Variants in HCRTR1 observed in about 807,000 individuals in gnomAD.
The protein encoded by HCRTR1 is orexin/Hypocretin receptor type 1.
Under a neutral mutation model 40.6 loss-of-function variants are expected in HCRTR1, and 28 were observed. The ratio of observed to expected loss-of-function variants is 0.69; its 90% CI spans 0.51 to 0.95. The LOEUF (loss-of-function observed/expected upper bound fraction) is 0.95. Among genes scored for constraint, HCRTR1 ranks in the 40% least tolerant of loss-of-function variants. The pLI is 0.00. For missense variants in HCRTR1, 482 were observed against 564.7 expected, an observed-to-expected ratio of 0.85 and a Z score of 1.48; for synonymous variants, 209 against 230.0, an observed-to-expected ratio of 0.91 and a Z score of 0.83.
At chr1:31,632,583 C>T (rs552971295), downstream of HCRTR1, 5 of 1,614,190 alleles carry the variant, frequency 3.1e-6, no homozygotes, top group African/African-American at 2.7e-5. Context: ...TGAATTTCCA[C>T]AGGGCTGAGA....
intron 7 of HCRTR1, 115 bp from the exon 8 acceptor site, chr1:31,624,882 A>C: frequency 2.6e-6 from 3 of 1,147,656 alleles, no homozygotes; most frequent in Non-Finnish European, 3.5e-6. Context: ...AAACGTGGAC[A>C]GAAGTGGGCA....
chr1:31,628,736 G>A (rs1373812951), downstream of HCRTR1, among the ~76,000 whole-genome samples: 2 of 152,234 alleles, frequency 1.3e-5, no homozygotes, highest in Non-Finnish European at 2.9e-5. Flanking sequence ...TCCACTCTGG[G>A]GGACTCAGAT....
At position 31,621,489 on chromosome 1, in the gene HCRTR1, C is replaced by T. The variant is rs201964385; in HGVS notation, c.635C>T (p.Pro212Leu). Residue 212 changes from proline to leucine, a missense_variant, in exon 6 of 9, where the codon CCC (proline) becomes CTC (leucine). By Grantham distance (98) the Pro-to-Leu change is moderately conservative (BLOSUM62 -3). Transcript: ENST00000403528. ...TTGACCCCTGCAGATGACCTCTATC[C>T]CAAGATCTACCACAGTTGCTTCTTT... Reference protein sequence around the residue: ...CDERWADDLYPKIYHSCFFIV... With the variant: ...CDERWADDLYLKIYHSCFFIV... 6.2e-7 allele frequency: 1 copy of T among 1,613,256 alleles called. No individual in the cohort carries two copies. Among genetic ancestry groups the T allele is most frequent in the South Asian group, 1.1e-5 (1 of 91,066 alleles).
At chr1:31,620,364 G>A (rs942591680) in intron 4 of HCRTR1, among the ~76,000 whole-genome samples, 3 of 152,306 alleles carry the variant, frequency 2.0e-5, no homozygotes, top group African/African-American at 7.2e-5. Context: ...AATGCCTCTT[G>A]GATTTCCCAC....
At chr1:31,632,772 A>G, downstream of HCRTR1, 2 of 1,054,326 alleles carry the variant, frequency 1.9e-6, no homozygotes, top group Non-Finnish European at 2.7e-6. Flanking sequence ...CCTGAGGCCC[A>G]GATGCCTGCA....
At chr1:31,631,759 G>C (rs1414622029), downstream of HCRTR1, among the ~76,000 whole-genome samples, 4 of 152,196 alleles carry the variant, frequency 2.6e-5, no homozygotes, top group Admixed American at 2.6e-4. Context: ...AAGAGTAGGT[G>C]ATTACTATAG....
chr1:31,633,325 G>GCAC (rs1293940671), downstream of HCRTR1: 11 of 1,604,548 alleles, frequency 6.9e-6, no homozygotes, highest in South Asian at 1.2e-4. Flanking sequence ...CTGGAGGAAG[G>GCAC]GGTGTGAAGG....
At chr1:31,621,116 C>T (rs1241393353) in intron 5 of HCRTR1, 30 bp downstream of exon 5, 2 of 1,586,440 alleles carry the variant, frequency 1.3e-6, no homozygotes, top group East Asian at 4.5e-5. Context: ...GCAGGCATCC[C>T]CTCAGGTGGG....
chr1:31,631,989 T>A (rs1424350708), downstream of HCRTR1, among the ~76,000 whole-genome samples: 3 of 152,214 alleles, frequency 2.0e-5, no homozygotes, highest in Non-Finnish European at 4.4e-5. Flanking sequence ...CACAGTCAGT[T>A]TGGAACCAGA....
chr1:31,620,774 C>G, intron 4 of HCRTR1, 69 bp from the exon 5 acceptor site: 1 of 1,567,080 alleles, frequency 6.4e-7, no homozygotes, highest in South Asian at 1.2e-5. Context: ...CCGTCAGCCT[C>G]CTCACTCACC....
chr1:31,627,778 G>A (rs1044377200), downstream of HCRTR1, among the ~76,000 whole-genome samples: 3 of 152,076 alleles, frequency 2.0e-5, no homozygotes, highest in South Asian at 2.1e-4. Flanking sequence ...GCCAGGCCTC[G>A]GCACACGTGG....
rs755967011 is a variant in HCRTR1 at position 31,625,119 on chromosome 1, G to A, written c.1087+1G>A. 16 of 1,607,334 alleles carry A rather than the reference G, an allele frequency of 1.0e-5. No homozygotes were observed. The highest frequency in any genetic ancestry group is 1.3e-5 in the Non-Finnish European group (15 of 1,176,044). On this transcript the variant is annotated splice_donor_variant, in intron 8 of 8. Transcript: ENST00000403528. LOFTEE classifies it high-confidence loss of function. This position sits in a 1 kb window ranked among gnomAD's most constrained non-coding sequence, Gnocchi z 4.2. Reference sequence around the variant, plus strand: ...CCCATCATCTACAACTTCCTCAGTGGTGAGCAGGCTGGGGATGCAAAATGA... The same window carrying A: ...CCCATCATCTACAACTTCCTCAGTGATGAGCAGGCTGGGGATGCAAAATGA...
chr1:31,632,530 C>G, downstream of HCRTR1: 1 of 1,614,212 alleles, frequency 6.2e-7, no homozygotes, highest in Non-Finnish European at 8.5e-7. Context: ...GGAGCCCGAG[C>G]GGTCCCGGTC....
At chr1:31,631,819 G>A, downstream of HCRTR1, among the ~76,000 whole-genome samples, 1 of 152,254 alleles carries the variant, frequency 6.6e-6, no homozygotes, top group East Asian at 1.9e-4. Flanking sequence ...ACTCACTCCT[G>A]CCCACAGACC....
At position 31,625,996 on chromosome 1, in the gene HCRTR1, G is replaced by C. The variant is rs1639969086; in HGVS notation, c.1088-794G>C. On this transcript the variant is annotated intron_variant, in intron 8 of 8. Coordinates refer to ENST00000403528, the MANE Select transcript of HCRTR1 (RefSeq NM_001525.3). The surrounding 1 kb of genome is among the most constrained non-coding windows in gnomAD (Gnocchi z 4.2). ...AAAGAGAATAGATGATGAGCTGTGTGGGGAGGGGAGGGCAGACAGACTTAC... is the reference window on the plus strand; with the variant it reads ...AAAGAGAATAGATGATGAGCTGTGTCGGGAGGGGAGGGCAGACAGACTTAC... 6.6e-6 allele frequency among the ~76,000 whole-genome samples: 1 copy of C among 152,204 alleles called. No homozygotes were observed. Among genetic ancestry groups the C allele is most frequent in the Non-Finnish European group, 1.5e-5 (1 of 68,038 alleles).
intron 7 of HCRTR1, 101 bp downstream of exon 7, chr1:31,623,850 T>C: frequency 1.2e-6 from 1 of 835,808 alleles, no homozygotes; most frequent in East Asian, 2.7e-5. Context: ...TTCTCCACTA[T>C]GTGATCTTGG....
At position 31,619,263 on chromosome 1, in the gene HCRTR1, C is replaced by T. The variant is rs1389417121; in HGVS notation, c.71C>T (p.Pro24Leu). Reference protein sequence around the residue: ...PPGSREPSPVPPDYEDEFLRY... With the variant: ...PPGSREPSPVLPDYEDEFLRY... ...GGCAGCAGAGAGCCGTCCCCTGTGC[C>T]TCCAGACTATGAAGATGAGTTTCTC... Residue 24 changes from proline (P) to leucine (L), a missense_variant, in exon 3 of 9, where the codon CCT becomes CTT. By Grantham distance (98) the Pro-to-Leu change is moderately conservative. Coordinates refer to ENST00000403528, the MANE Select transcript of HCRTR1 (RefSeq NM_001525.3). 3 of 1,614,082 alleles carry T rather than the reference C, an allele frequency of 1.9e-6. No homozygotes were observed. The highest frequency in any genetic ancestry group is 2.5e-6 in the Non-Finnish European group (3 of 1,180,040).
chr1:31,626,689 C>A lies in HCRTR1; in HGVS notation c.1088-101C>A. 15 of 1,389,118 alleles carry A rather than the reference C, an allele frequency of 1.1e-5. No individual in the cohort carries two copies. Among genetic ancestry groups the A allele is most frequent in the East Asian group, 5.0e-5 (2 of 39,952 alleles). 86.0% of individuals were successfully genotyped at this position (1,389,118 alleles called of 1,614,324 possible). A position where few individuals can be genotyped will look rare whatever the true frequency, so the allele number is the denominator to read the frequency against. ...ATCCCTCCCTCCCTCCCCGCCCCCTCATAGGCAGCTTGGCTGGAGCTGCGT... is the reference window on the plus strand; with the variant it reads ...ATCCCTCCCTCCCTCCCCGCCCCCTAATAGGCAGCTTGGCTGGAGCTGCGT... On this transcript the variant is annotated intron_variant, in intron 8 of 8. Transcript: ENST00000403528. This position sits in a 1 kb window ranked among gnomAD's most constrained non-coding sequence, Gnocchi z 4.6.
At chr1:31,630,526 GGAAAA>G (rs377043185), downstream of HCRTR1, 194 of 1,291,110 alleles carry the variant, frequency 1.5e-4, no homozygotes, top group African/African-American at 2.6e-3. Flanking sequence ...TAGAGGGACA[GGAAAA>G]GAAGAGATGT....
Sources: gnomAD v4.1 joint callset for allele counts (sites outside exome capture counted in the v4.1 genomes callset) on GRCh38, gnomAD v4.1.1 for gene constraint, Gnocchi (gnomAD v3.1) non-coding constraint, MANE v1.5 for transcripts, NCBI Gene and HGNC (gene_info 2026-07-23, HGNC 2026-07-21) for gene names.